The following DNAH7 variants were observed in gnomAD, a reference collection of about 807,000 sequenced individuals.
The protein encoded by DNAH7 is dynein axonemal heavy chain 7, also known as axonemal beta dynein heavy chain 7.
In DNAH7, 397 loss-of-function variants were observed where a neutral mutation model predicts 444.6. The observed-to-expected ratio is 0.89, with a 90% confidence interval of 0.82 to 0.97. The LOEUF (loss-of-function observed/expected upper bound fraction) is 0.97. DNAH7 is among the 50% of genes least tolerant of loss of function. The pLI, the probability that DNAH7 is intolerant of heterozygous loss-of-function variation, is 0.00. For synonymous variants in DNAH7, 1,636 were observed against 1,624.4 expected, an observed-to-expected ratio of 1.01 and a Z score of -0.17; for missense variants, 4,902 against 4,800.8, an observed-to-expected ratio of 1.02 and a Z score of -0.62.
chr2:195,758,449 T>G (rs1694189817), intron 61 of DNAH7, among the ~76,000 whole-genome samples: 1 of 152,230 alleles, frequency 6.6e-6, no homozygotes, highest in Admixed American at 6.5e-5. Context: ...ATTTACATTT[T>G]AAATGTATTG....
Position 195,960,514 on chromosome 2 carries a change from C to A in DNAH7, c.2637G>T (p.Met879Ile), listed in dbSNP as rs75001760. The A allele has an allele frequency of 0.034, 54,941 of 1,614,136 alleles. 1,142 individuals carry two copies. The highest frequency in any genetic ancestry group is 0.039 in the Non-Finnish European group (46,468 of 1,180,020). ...DDSTVSSFLD[M>I]NLEPYIDRFE... ...ATCGGTCTATATATGGTTCCAGATTCATGTCTAAAAAAGAGGAGACTGTGG... is the reference window on the plus strand; with the variant it reads ...ATCGGTCTATATATGGTTCCAGATTAATGTCTAAAAAAGAGGAGACTGTGG... Residue 879 changes from methionine (M) to isoleucine (I), a missense_variant, in exon 18 of 65, where the codon ATG becomes ATT. Physicochemically the swap from Met to Ile is conservative, Grantham distance 10. Coordinates refer to ENST00000312428, the MANE Select transcript of DNAH7 (RefSeq NM_018897.3).
At chr2:195,876,441 A>G in intron 37 of DNAH7, 103 bp downstream of exon 37, 1 of 1,203,742 alleles carries the variant, frequency 8.3e-7, no homozygotes. Flanking sequence ...GTGACATTAA[A>G]AAACTATACA....
intron 49 of DNAH7, among the ~76,000 whole-genome samples, chr2:195,821,658 C>T (rs1697479338): frequency 6.6e-6 from 1 of 152,102 alleles, no homozygotes; most frequent in African/African-American, 2.4e-5. Context: ...TGGTAAGTAC[C>T]TGCTCTTACA....
rs1002019029 is a variant in DNAH7 at position 195,942,430 on chromosome 2, G to A, written c.3079-5638C>T. The stretch of plus-strand genomic sequence containing the variant: ...GAAGAGGAGGAAGAGGAAGAAGGAA[G>A]AAGATGAAGAGGAGGAAGAGGAAAA... On this transcript the variant is annotated intron_variant, in intron 19 of 64. Coordinates refer to ENST00000312428, the MANE Select transcript of DNAH7 (RefSeq NM_018897.3). Among the ~76,000 whole-genome samples the A allele has an allele frequency of 2.0e-5, 3 of 151,500 alleles. No homozygotes were observed. The East Asian group carries it at 5.8e-4, about 29-fold the overall frequency.
At chr2:195,895,631 AC>A (rs1702263592) in intron 29 of DNAH7, among the ~76,000 whole-genome samples, 1 of 152,134 alleles carries the variant, frequency 6.6e-6, no homozygotes, top group Non-Finnish European at 1.5e-5. Context: ...CGTCAAAATA[AC>A]CAAGATAATT....
intron 45 of DNAH7, among the ~76,000 whole-genome samples, chr2:195,854,926 C>A (rs1274375013): frequency 6.6e-6 from 1 of 152,164 alleles, no homozygotes; most frequent in Admixed American, 6.5e-5. Flanking sequence ...CAATGTCTTA[C>A]ATTTGTGCAA....
rs1192578255 is a variant in DNAH7 at position 195,918,936 on chromosome 2, A to G, written c.3935+3152T>C. On this transcript the variant is annotated intron_variant, in intron 24 of 64. Coordinates refer to ENST00000312428, the MANE Select transcript of DNAH7 (RefSeq NM_018897.3). ...ATGTATCAATATTGGTTTATCAATT[A>G]TAACAAATGTACCACACTAATGAAA... 2.0e-5 allele frequency among the ~76,000 whole-genome samples: 3 copies of G among 152,180 alleles called. No homozygotes were observed. In the East Asian group the frequency reaches 5.8e-4, roughly 29 times the overall value.
intron 60 of DNAH7, among the ~76,000 whole-genome samples, chr2:195,772,104 T>C (rs1694868668): frequency 6.6e-6 from 1 of 152,158 alleles, no homozygotes; most frequent in African/African-American, 2.4e-5. Flanking sequence ...AATAAGGGCA[T>C]GTAATGTGTT....
At chr2:195,888,636 A>C (rs1701842427) in intron 32 of DNAH7, among the ~76,000 whole-genome samples, 163 bp downstream of exon 32, 1 of 148,766 alleles carries the variant, frequency 6.7e-6, no homozygotes, top group Non-Finnish European at 1.5e-5. Flanking sequence ...CCACTAAATT[A>C]GTCAAGATAT....
At chr2:195,824,562 A>G (rs561331568) in intron 48 of DNAH7, 117 bp from the exon 49 acceptor site, 50 of 861,788 alleles carry the variant, frequency 5.8e-5, no homozygotes, top group Non-Finnish European at 8.4e-5. Flanking sequence ...CTAGATACCT[A>G]CAAAATTACT....
intron 7 of DNAH7, among the ~76,000 whole-genome samples, chr2:196,025,014 T>C (rs1328457280): frequency 6.6e-6 from 1 of 152,148 alleles, no homozygotes; most frequent in Non-Finnish European, 1.5e-5. Flanking sequence ...GTAACAACGA[T>C]TTACATAGCA....
Position 195,834,250 on chromosome 2 carries a change from T to G in DNAH7, c.9056A>C (p.Asp3019Ala). ...GCAATTTTCCAGAGTCCTGACATAG[T>G]CAGGTTCACTAAGTTTAATCACATA... ...SLYVIKLSEP[D>A]YVRTLENCIQ... Residue 3019 changes from aspartate to alanine, a missense_variant, in exon 48 of 65, where the codon GAC (aspartate) becomes GCC (alanine). Asp to Ala is a moderately radical substitution (Grantham distance 126). Coordinates refer to ENST00000312428, the MANE Select transcript of DNAH7 (RefSeq NM_018897.3). The G allele has an allele frequency of 2.5e-6, 4 of 1,608,428 alleles. No individual in the cohort carries two copies. The highest frequency in any genetic ancestry group is 3.4e-6 in the Non-Finnish European group (4 of 1,175,648).
intron 1 of DNAH7, among the ~76,000 whole-genome samples, chr2:196,060,759 T>C (rs531866713): frequency 4.3e-4 from 66 of 152,302 alleles, no homozygotes; most frequent in African/African-American, 1.5e-3. Flanking sequence ...TCTGATTACC[T>C]CCACAATGCC....
intron 10 of DNAH7, among the ~76,000 whole-genome samples, chr2:196,009,221 C>A (rs1237160105): frequency 6.6e-6 from 1 of 152,140 alleles, no homozygotes; most frequent in Admixed American, 6.6e-5. Context: ...AGGGGACAAG[C>A]ATCCAAACTA....
chr2:195,782,138 T>A (rs949308209), intron 58 of DNAH7, among the ~76,000 whole-genome samples: 3 of 152,190 alleles, frequency 2.0e-5, no homozygotes, highest in Non-Finnish European at 4.4e-5. Flanking sequence ...TCTTTTTGGA[T>A]CCAACAGAAA....
chr2:195,915,064 C>A (rs1687589529), intron 24 of DNAH7, among the ~76,000 whole-genome samples: 1 of 152,102 alleles, frequency 6.6e-6, no homozygotes, highest in South Asian at 2.1e-4. Context: ...CTGCGTTATG[C>A]CAGGAAACGA....
intron 1 of DNAH7, among the ~76,000 whole-genome samples, chr2:196,062,318 A>G (rs1483857326): frequency 2.6e-5 from 4 of 151,704 alleles, no homozygotes; most frequent in African/African-American, 7.3e-5. Flanking sequence ...AATACCCTCA[A>G]CTCCCTCTGG....
chr2:195,876,800 A>C, intron 36 of DNAH7, 101 bp from the exon 37 acceptor site: 1 of 782,294 alleles, frequency 1.3e-6, no homozygotes, highest in Non-Finnish European at 2.0e-6. Context: ...ATTTAACCTT[A>C]AGTGTTGTAA....
chr2:196,008,800 A>G (rs1473180966), intron 10 of DNAH7, among the ~76,000 whole-genome samples: 2 of 152,226 alleles, frequency 1.3e-5, no homozygotes, highest in African/African-American at 4.8e-5. Context: ...GGCTGCTAAC[A>G]GGTACAGAGT....
Sources: gnomAD v4.1 joint callset for allele counts (sites outside exome capture counted in the v4.1 genomes callset) on GRCh38, gnomAD v4.1.1 for gene constraint, MANE v1.5 for transcripts, NCBI Gene and HGNC (gene_info 2026-07-23, HGNC 2026-07-21) for gene names.